FANCM: variants seen among roughly 807,000 people sequenced by gnomAD.
FANCM encodes the protein Fanconi anemia group M protein.
FANCM carries 140 observed loss-of-function variants against 199.5 expected under a neutral mutation model. The observed-to-expected ratio is 0.70, with a 90% confidence interval of 0.61 to 0.81. FANCM has a LOEUF of 0.81. Ranked by LOEUF, FANCM falls within the 30% of genes least tolerant of loss-of-function variation. The pLI, the probability that FANCM is intolerant of heterozygous loss-of-function variation, is 0.00. For synonymous variants in FANCM, 840 were observed against 836.8 expected (o/e 1.00, Z -0.07); for missense variants, 2,410 against 2,421.4 (o/e 1.00, Z 0.10).
rs1888701649 is a variant in FANCM, at chr14:45,176,389, A to G, written c.3635A>G (p.Glu1212Gly). 1 of 1,612,894 alleles carries G rather than the reference A, an allele frequency of 6.2e-7. No individual in the cohort carries two copies. The highest frequency in any genetic ancestry group is 8.5e-7 in the Non-Finnish European group (1 of 1,179,874). Residue 1212 changes from glutamate to glycine, a missense_variant, in exon 14 of 23, where the codon GAA becomes GGA. Physicochemically the swap from Glu to Gly is moderately conservative, Grantham distance 98. Coordinates refer to ENST00000267430, the MANE Select transcript of FANCM (RefSeq NM_020937.4). ...KSRDQRGVQE[E>G]KVKNHEDIFD... Reference sequence around the variant, plus strand: ...CGTGATCAGAGAGGTGTACAGGAAGAAAAAGTGAAGAATCATGAGGATATT... The same window carrying G: ...CGTGATCAGAGAGGTGTACAGGAAGGAAAAGTGAAGAATCATGAGGATATT...
rs753797551 is a variant in FANCM at position 45,136,264 on chromosome 14, C to A, written c.233C>A (p.Ser78Tyr). 16 of 1,614,048 alleles carry A rather than the reference C, an allele frequency of 9.9e-6. No homozygotes were observed. In the Admixed American group the frequency reaches 2.5e-4, roughly 25 times the overall value. Residue 78 changes from serine (S) to tyrosine (Y), a missense_variant, in exon 1 of 23, where the codon TCC becomes TAC. Physicochemically the swap from Ser to Tyr is moderately radical, Grantham distance 144. Coordinates refer to ENST00000267430, the MANE Select transcript of FANCM (RefSeq NM_020937.4). Reference protein sequence around the residue: ...LCLENGGFCTSAGALWIYPTN... With the variant: ...LCLENGGFCTYAGALWIYPTN... Reference sequence around the variant, plus strand: ...CTAGAGAATGGCGGGTTCTGCACCTCCGCGGGCGCCCTGTGGATTTACCCT... The same window carrying A: ...CTAGAGAATGGCGGGTTCTGCACCTACGCGGGCGCCCTGTGGATTTACCCT...
At chr14:45,145,301 G>C (rs765908523) in intron 3 of FANCM, among the ~76,000 whole-genome samples, 5 of 151,834 alleles carry the variant, frequency 3.3e-5, no homozygotes, top group East Asian at 3.9e-4. Flanking sequence ...TTGAATGAAG[G>C]GTGGTGCAAT....
rs112081826 is a variant in FANCM at position 45,193,906 on chromosome 14, G to A, written c.5341-2266G>A. On this transcript the variant is annotated intron_variant, in intron 20 of 22. Coordinates refer to ENST00000267430, the MANE Select transcript of FANCM (RefSeq NM_020937.4). ...TCCATAGATTATTTTGGGTAGTATT[G>A]TCATCTTAATAATGTTAAATTTCTC... 2.4e-3 allele frequency among the ~76,000 whole-genome samples: 371 copies of A among 152,066 alleles called. 6 individuals carry two copies. Among genetic ancestry groups the A allele is most frequent in the African/African-American group, 8.7e-3 (361 of 41,486 alleles).
At chr14:45,196,134 T>A (rs1890040968) in intron 20 of FANCM, 38 bp from the exon 21 acceptor site, 1 of 1,612,874 alleles carries the variant, frequency 6.2e-7, no homozygotes, top group Non-Finnish European at 8.5e-7. Context: ...TTTTTATGCA[T>A]TTAACCTGAA....
chr14:45,161,319 T>A (rs532615304), intron 9 of FANCM, among the ~76,000 whole-genome samples: 131 of 152,336 alleles, frequency 8.6e-4, no homozygotes, highest in African/African-American at 3.1e-3. Flanking sequence ...TTGTACATTG[T>A]CCATTTATTT....
At chr14:45,166,723 C>CCCT (rs904947970) in intron 10 of FANCM, among the ~76,000 whole-genome samples, 7 of 151,098 alleles carry the variant, frequency 4.6e-5, no homozygotes, top group Non-Finnish European at 7.4e-5. Context: ...CTGCAGTGAG[C>CCCT]CCTGATCACA....
At chr14:45,187,632 A>G in intron 18 of FANCM, 149 bp from the exon 19 acceptor site, 1 of 552,490 alleles carries the variant, frequency 1.8e-6, no homozygotes, top group Non-Finnish European at 3.3e-6. Flanking sequence ...ATAATTGTTT[A>G]TAGATATCTT....
At chr14:45,197,653 T>C (rs1437245689) in intron 21 of FANCM, among the ~76,000 whole-genome samples, 6 of 150,848 alleles carry the variant, frequency 4.0e-5, no homozygotes, top group African/African-American at 7.3e-5. Context: ...TTAGTAGAGA[T>C]GGTGTTTCAC....
At position 45,175,294 on chromosome 14, in the gene FANCM, C is replaced by G. The variant is rs531842997; in HGVS notation, c.2540C>G (p.Pro847Arg). 1 of 1,577,028 alleles carries G rather than the reference C, an allele frequency of 6.3e-7. No homozygotes were observed. The highest frequency in any genetic ancestry group is 8.6e-7 in the Non-Finnish European group (1 of 1,165,452). ...ATTGTTAAACAAACTCATATCAAAC[C>G]TACTAAAATTGTTTCTTTAAAGAAA... ...AEIVKQTHIK[P>R]TKIVSLKKKV... is the part of the protein sequence containing the mutation. Residue 847 changes from proline (P) to arginine (R), a missense_variant, in exon 14 of 23, where the codon CCT (proline) becomes CGT (arginine). Physicochemically the swap from Pro to Arg is moderately radical, Grantham distance 103. Coordinates refer to ENST00000267430, the MANE Select transcript of FANCM (RefSeq NM_020937.4).
chr14:45,192,689 C>T (rs953990151), intron 20 of FANCM, among the ~76,000 whole-genome samples: 7 of 151,934 alleles, frequency 4.6e-5, no homozygotes, highest in African/African-American at 1.7e-4. Flanking sequence ...ATTAGCCTGG[C>T]ATGCTGGTGC....
chr14:45,149,188 G>C (rs1455418684), intron 4 of FANCM, among the ~76,000 whole-genome samples, 193 bp downstream of exon 4: 1 of 152,064 alleles, frequency 6.6e-6, no homozygotes, highest in Non-Finnish European at 1.5e-5. Flanking sequence ...GTTATTGAAA[G>C]GGAAAATACA....
At chr14:45,139,612 T>C (rs951727992) in intron 2 of FANCM, among the ~76,000 whole-genome samples, 2 of 152,210 alleles carry the variant, frequency 1.3e-5, no homozygotes, top group African/African-American at 4.8e-5. Flanking sequence ...GGAAATGTTT[T>C]AGGATTTAAA....
chr14:45,182,831 G>A (rs771249093), intron 16 of FANCM, among the ~76,000 whole-genome samples: 4 of 152,120 alleles, frequency 2.6e-5, no homozygotes, highest in Non-Finnish European at 4.4e-5. Context: ...GAATATCACA[G>A]CTTAGCCTAG....
At chr14:45,177,918 A>C (rs996733927) in intron 14 of FANCM, among the ~76,000 whole-genome samples, 1 of 152,238 alleles carries the variant, frequency 6.6e-6, no homozygotes, top group Non-Finnish European at 1.5e-5. Context: ...ACCACAAAAA[A>C]TCAGAGAAAT....
In FANCM at chr14:45,176,394, G is replaced by T; in HGVS notation, c.3640G>T (p.Val1214Leu). The change falls in exon 14 of 23, where the codon GTG becomes TTG. Residue 1214 changes from valine to leucine, a missense_variant. Transcript: ENST00000267430. ...TCAGAGAGGTGTACAGGAAGAAAAA[G>T]TGAAGAATCATGAGGATATTTTTGA... ...RDQRGVQEEKVKNHEDIFDCS... is the reference protein window; with the variant it reads ...RDQRGVQEEKLKNHEDIFDCS... 6.2e-7 allele frequency: 1 copy of T among 1,612,950 alleles called. No homozygotes were observed. Among genetic ancestry groups the T allele is most frequent in the Admixed American group, 1.7e-5 (1 of 60,024 alleles).
intron 3 of FANCM, 22 bp from the exon 4 acceptor site, chr14:45,148,815 A>G (rs1450911139): frequency 5.1e-6 from 8 of 1,565,700 alleles, no homozygotes; most frequent in Non-Finnish European, 6.1e-6. Context: ...GTTTATAATC[A>G]TACTTAATTG....
intron 8 of FANCM, among the ~76,000 whole-genome samples, chr14:45,158,699 G>A (rs1006483632): frequency 1.3e-4 from 20 of 152,298 alleles, no homozygotes; most frequent in African/African-American, 4.8e-4. Context: ...CTAGTCAAAA[G>A]TGATTCAGAT....
In FANCM at chr14:45,167,092, A is replaced by G. The variant is rs1386562227; in HGVS notation, c.1931A>G (p.His644Arg). Residue 644 changes from histidine (H) to arginine (R), a missense_variant, in exon 11 of 23, where the codon CAT becomes CGT. Transcript: ENST00000267430. ...NPKLHKMFIT[H>R]GVYEPEKPSR... ...AAATTACACAAAATGTTCATCACAC[A>G]TGGTGTCTATGAACCAGAGAAGCCT... 1.9e-6 allele frequency: 3 copies of G among 1,613,286 alleles called. No homozygotes were observed. The highest frequency in any genetic ancestry group is 2.2e-5 in the East Asian group (1 of 44,854).
chr14:45,168,289 C>A (rs540553492), intron 11 of FANCM, among the ~76,000 whole-genome samples: 1 of 152,112 alleles, frequency 6.6e-6, no homozygotes, highest in African/African-American at 2.4e-5. Flanking sequence ...TAGGAACATA[C>A]CTGTCATTTT....
Sources: gnomAD v4.1 joint callset for allele counts (sites outside exome capture counted in the v4.1 genomes callset) on GRCh38, gnomAD v4.1.1 for gene constraint, MANE v1.5 for transcripts, NCBI Gene and HGNC (gene_info 2026-07-23, HGNC 2026-07-21) for gene names.